The following ZNF559 variants were observed in gnomAD, a reference collection of about 807,000 sequenced individuals.
ZNF559 encodes putative protein product of Nbla00121.
A neutral mutation model predicts 14.2 loss-of-function variants in ZNF559; 17 were observed. The ratio of observed to expected loss-of-function variants is 1.20; its 90% CI spans 0.82 to 1.80. ZNF559 has a LOEUF of 1.80. ZNF559 is among the 40% of genes most tolerant of loss of function. The pLI, the probability that ZNF559 is intolerant of heterozygous loss-of-function variation, is 0.00. For missense variants in ZNF559, 740 were observed against 629.7 expected (o/e 1.18, Z -1.88); for synonymous variants, 244 against 212.4 (o/e 1.15, Z -1.29).
Position 9,324,184 on chromosome 19 carries a change from C to T in ZNF559, c.-250C>T, listed in dbSNP as rs971969143. 1.2e-5 allele frequency: 18 copies of T among 1,536,102 alleles called. No individual in the cohort carries two copies. Among genetic ancestry groups the T allele is most frequent in the Non-Finnish European group, 1.6e-5 (18 of 1,146,888 alleles). Reference sequence around the variant, plus strand: ...CGGCGTGTCTGCGTGGGCGCATGCGCATAACGGCCGCCATCTTAACAGCGC... The same window carrying T: ...CGGCGTGTCTGCGTGGGCGCATGCGTATAACGGCCGCCATCTTAACAGCGC... On this transcript the variant is annotated 5_prime_UTR_variant, in exon 1 of 7. Coordinates refer to ENST00000603380, the MANE Select transcript of ZNF559 (RefSeq NM_032497.3).
chr19:9,345,118 G>A lies in ZNF559; in HGVS notation c.*2050G>A, dbSNP rs1281971791. The A allele has an allele frequency of 6.6e-6, 1 of 152,088 alleles. No individual in the cohort carries two copies. The highest frequency in any genetic ancestry group is 1.5e-5 in the Non-Finnish European group (1 of 68,024). 9.4% of individuals were successfully genotyped at this position (152,088 alleles called of 1,614,324 possible). A position where few individuals can be genotyped will look rare whatever the true frequency, so the allele number is the denominator to read the frequency against. On this transcript the variant is annotated 3_prime_UTR_variant, in exon 7 of 7. Coordinates refer to ENST00000603380, the MANE Select transcript of ZNF559 (RefSeq NM_032497.3). ...TATATAAATGGAATCATATAGTCTG[G>A]CATCTTTCAGGATAATTTTTTCAGA...
rs2067608596 is a variant in ZNF559 at position 9,342,047 on chromosome 19, A to C, written c.596A>C (p.His199Pro). 1 of 1,610,432 alleles carries C rather than the reference A, an allele frequency of 6.2e-7. No individual in the cohort carries two copies. Among genetic ancestry groups the C allele is most frequent in the Non-Finnish European group, 8.5e-7 (1 of 1,178,886 alleles). ...GAAAAAGGCTTACCTTCCTCCTCAC[A>C]CCTCAGAGAATGTGTAAGAATTTAT... ...DCEKGLPSSS[H>P]LRECVRIYGG... Residue 199 changes from histidine (H) to proline (P), a missense_variant, in exon 7 of 7, where the codon CAC becomes CCC. By Grantham distance (77) the His-to-Pro change is moderately conservative. Transcript: ENST00000603380.
At position 9,342,078 on chromosome 19, in the gene ZNF559, A is replaced by G. The variant is rs766872851; in HGVS notation, c.627A>G (p.Gly209=). ...HLRECVRIYG[G]ERPYTHKEYV... Reference sequence around the variant, plus strand: ...GAGAATGTGTAAGAATTTATGGTGGAGAGAGACCATATACTCATAAGGAGT... The same window carrying G: ...GAGAATGTGTAAGAATTTATGGTGGGGAGAGACCATATACTCATAAGGAGT... Residue 209 remains glycine, a synonymous_variant, in exon 7 of 7, where the codon GGA becomes GGG. Transcript: ENST00000603380. 14 of 1,612,036 alleles carry G rather than the reference A, an allele frequency of 8.7e-6. No homozygotes were observed. In the African/African-American group the frequency reaches 1.6e-4, roughly 18 times the overall value.
chr19:9,328,346 G>C (rs1254205704), intron 2 of ZNF559, among the ~76,000 whole-genome samples: 1 of 97,316 alleles, frequency 1.0e-5, no homozygotes, highest in African/African-American at 4.5e-5. Context: ...AGGCTTGTTT[G>C]TCTTTTTTTT....
rs1274616750 is a variant in ZNF559, at chr19:9,341,696, A to G, written c.245A>G (p.Glu82Gly). 8 of 1,598,166 alleles carry G rather than the reference A, an allele frequency of 5.0e-6. No homozygotes were observed. Among genetic ancestry groups the G allele is most frequent in the South Asian group, 1.1e-5 (1 of 89,272 alleles). The change falls in exon 7 of 7, where the codon GAG (glutamate) becomes GGG (glycine). Residue 82 changes from glutamate (E) to glycine (G), a missense_variant and splice_region_variant. Physicochemically the swap from Glu to Gly is moderately conservative, Grantham distance 98 (BLOSUM62 -2). Transcript: ENST00000603380. ...ACCATCATTAATTTTCACCAACAGG[A>G]GAGAAACCATTTTGGAGAGGAACTG... Reference protein sequence around the residue: ...QGKTSSVVEMERNHFGEELFD... With the variant: ...QGKTSSVVEMGRNHFGEELFD...
rs1264800609 is a variant in ZNF559, at chr19:9,343,602, G to C, written c.*534G>C. 3.0e-6 allele frequency: 3 copies of C among 991,144 alleles called. No homozygotes were observed. Among genetic ancestry groups the C allele is most frequent in the African/African-American group, 3.5e-5 (2 of 57,220 alleles). The allele number at this position is 991,144 out of a possible 1,614,324, so 61.4% of individuals were successfully genotyped here. On this transcript the variant is annotated 3_prime_UTR_variant, in exon 7 of 7. Transcript: ENST00000603380. ...TCTTTGTTTTTAGCTTCCACTTTGGGAACATGTCAAAGCACACATTGAGAA... is the reference window on the plus strand; with the variant it reads ...TCTTTGTTTTTAGCTTCCACTTTGGCAACATGTCAAAGCACACATTGAGAA...
Position 9,343,229 on chromosome 19 carries a change from T to G in ZNF559, c.*161T>G, listed in dbSNP as rs1399222243. 1.4e-6 allele frequency: 2 copies of G among 1,441,022 alleles called. No individual in the cohort carries two copies. The highest frequency in any genetic ancestry group is 2.8e-5 in the Admixed American group (1 of 35,826). 89.3% of individuals were successfully genotyped at this position (1,441,022 alleles called of 1,614,324 possible). On this transcript the variant is annotated 3_prime_UTR_variant, in exon 7 of 7. Transcript: ENST00000603380. Reference sequence around the variant, plus strand: ...CAATTCCAATAGAAGAGAAGACATATGAATGTAAGGAATGTGGGAAAATCT... The same window carrying G: ...CAATTCCAATAGAAGAGAAGACATAGGAATGTAAGGAATGTGGGAAAATCT...
At position 9,341,219 on chromosome 19, in the gene ZNF559, T is replaced by C. The variant is rs758574605; in HGVS notation, c.243+35T>C. Reference sequence around the variant, plus strand: ...AGAAGGTATAATTTATTGTCTTCCATGTTAGAGGAAGATTGGAAATTCCTT... The same window carrying C: ...AGAAGGTATAATTTATTGTCTTCCACGTTAGAGGAAGATTGGAAATTCCTT... On this transcript the variant is annotated intron_variant, in intron 6 of 6. Transcript: ENST00000603380. 5 of 1,574,988 alleles carry C rather than the reference T, an allele frequency of 3.2e-6. No individual in the cohort carries two copies. The African/African-American group carries it at 5.4e-5, about 17-fold the overall frequency.
In ZNF559 at chr19:9,342,041, C is replaced by A; in HGVS notation, c.590C>A (p.Ser197Tyr). ...CSDCEKGLPS[S>Y]SHLRECVRIY... ...GACTGTGAAAAAGGCTTACCTTCCT[C>A]CTCACACCTCAGAGAATGTGTAAGA... The change falls in exon 7 of 7, where the codon TCC becomes TAC. Residue 197 changes from serine (S) to tyrosine (Y), a missense_variant. By Grantham distance (144) the Ser-to-Tyr change is moderately radical. Coordinates refer to ENST00000603380, the MANE Select transcript of ZNF559 (RefSeq NM_032497.3). 2.5e-6 allele frequency: 4 copies of A among 1,610,866 alleles called. No homozygotes were observed. The highest frequency in any genetic ancestry group is 2.5e-6 in the Non-Finnish European group (3 of 1,178,940).
chr19:9,342,567 G>C lies in ZNF559; in HGVS notation c.1116G>C (p.Met372Ile). 6.2e-7 allele frequency: 1 copy of C among 1,613,954 alleles called. No homozygotes were observed. Among genetic ancestry groups the C allele is most frequent in the Non-Finnish European group, 8.5e-7 (1 of 1,179,984 alleles). The change falls in exon 7 of 7, where the codon ATG becomes ATC. Residue 372 changes from methionine to isoleucine, a missense_variant. Met to Ile is a conservative substitution (Grantham distance 10, BLOSUM62 1). Transcript: ENST00000603380. ...FANSSHLTVH[M>I]RTHTGEKPYQ... is the part of the protein sequence containing the mutation. ...ACTCTTCACATCTTACTGTACATAT[G>C]AGAACTCACACTGGTGAGAAGCCTT...
intron 2 of ZNF559, among the ~76,000 whole-genome samples, chr19:9,332,265 A>G (rs1461589111): frequency 1.3e-5 from 2 of 152,126 alleles, no homozygotes; most frequent in African/African-American, 4.8e-5. Flanking sequence ...ATTAATTTAC[A>G]TTTGAATATC....
chr19:9,335,854 C>A lies in ZNF559; in HGVS notation c.-119-1942C>A, dbSNP rs147119174. On this transcript the variant is annotated intron_variant, in intron 2 of 6. Transcript: ENST00000603380. The stretch of plus-strand genomic sequence containing the variant: ...AAATATTTTCTACCCTCTGCTAGGA[C>A]CTATGAATATTAAAAGAAAAACTTC... Among the ~76,000 whole-genome samples, 7 of 152,242 alleles carry A rather than the reference C, an allele frequency of 4.6e-5. No homozygotes were observed. The East Asian group carries it at 1.4e-3, about 29-fold the overall frequency.
chr19:9,341,277 A>G (rs765975221), intron 6 of ZNF559, 93 bp downstream of exon 6: 9 of 1,238,988 alleles, frequency 7.3e-6, no homozygotes, highest in Non-Finnish European at 9.5e-6. Context: ...ACCTTGAGAC[A>G]TTTGAGACTA....
In ZNF559 at chr19:9,344,009, C is replaced by T. The variant is rs554650960; in HGVS notation, c.*941C>T. 7.5e-5 allele frequency: 13 copies of T among 173,452 alleles called. No homozygotes were observed. The highest frequency in any genetic ancestry group is 1.3e-4 in the Non-Finnish European group (11 of 87,706). The allele number at this position is 173,452 out of a possible 1,614,324, so 10.7% of individuals were successfully genotyped here. On this transcript the variant is annotated 3_prime_UTR_variant, in exon 7 of 7. Coordinates refer to ENST00000603380, the MANE Select transcript of ZNF559 (RefSeq NM_032497.3). The stretch of plus-strand genomic sequence containing the variant: ...CTGTAATCCCAGCACTTTGAAAGGC[C>T]GAAGCGAGTGGATCATTTGAGGTCA...
chr19:9,342,831 A>C lies in ZNF559; in HGVS notation c.1380A>C (p.Thr460=). 6.2e-7 allele frequency: 1 copy of C among 1,613,554 alleles called. No individual in the cohort carries two copies. Among genetic ancestry groups the C allele is most frequent in the Non-Finnish European group, 8.5e-7 (1 of 1,179,894 alleles). The change falls in exon 7 of 7, where the codon ACA becomes ACC. Residue 460 remains threonine (T), a synonymous_variant. Transcript: ENST00000603380. ...TTAGTCAACATAAAAGAATACATAC[A>C]GGGGAGAGGCCATATAAATGTCAAA... ...SHLSQHKRIH[T]GERPYKCQKC...
At chr19:9,335,498 CTT>C (rs1006940069) in intron 2 of ZNF559, among the ~76,000 whole-genome samples, 25 of 152,166 alleles carry the variant, frequency 1.6e-4, no homozygotes, top group Admixed American at 3.3e-4. Context: ...AATAGACAAA[CTT>C]TTGCACAATG....
chr19:9,341,716 G>A lies in ZNF559; in HGVS notation c.265G>A (p.Glu89Lys). 3 of 1,597,392 alleles carry A rather than the reference G, an allele frequency of 1.9e-6. No individual in the cohort carries two copies. The highest frequency in any genetic ancestry group is 2.6e-6 in the Non-Finnish European group (3 of 1,174,670). ...ACAGGAGAGAAACCATTTTGGAGAG[G>A]AACTGTTTGACTTTAACCAATGTGA... The part of the protein sequence containing the change: ...VEMERNHFGE[E>K]LFDFNQCEKA... Residue 89 changes from glutamate to lysine, a missense_variant, in exon 7 of 7, where the codon GAA (glutamate) becomes AAA (lysine). Physicochemically the swap from Glu to Lys is moderately conservative, Grantham distance 56. Transcript: ENST00000603380.
In ZNF559 at chr19:9,343,002, G is replaced by A. The variant is rs2067651188; in HGVS notation, c.1551G>A (p.Val517=). Residue 517 remains valine (V), a synonymous_variant, in exon 7 of 7, where the codon GTG becomes GTA. Transcript: ENST00000603380. ...TTCGACATCTAAGAAGTCATAGTGT[G>A]GAGAAACCATATAAGGAATGTGGGC... ...YLIRHLRSHS[V]EKPYKECGQT... is the part of the protein sequence containing the mutation. 2 of 1,614,118 alleles carry A rather than the reference G, an allele frequency of 1.2e-6. No homozygotes were observed. The highest frequency in any genetic ancestry group is 1.7e-6 in the Non-Finnish European group (2 of 1,180,004).
intron 2 of ZNF559, among the ~76,000 whole-genome samples, chr19:9,331,045 T>C (rs1257506924): frequency 1.3e-5 from 2 of 152,042 alleles, no homozygotes; most frequent in African/African-American, 4.8e-5. Flanking sequence ...CACCTTCTCT[T>C]CTCTCTCTCT....
Sources: gnomAD v4.1 joint callset for allele counts (sites outside exome capture counted in the v4.1 genomes callset) on GRCh38, gnomAD v4.1.1 for gene constraint, MANE v1.5 for transcripts, NCBI Gene and HGNC (gene_info 2026-07-23, HGNC 2026-07-21) for gene names.